The following DSTN variants were observed in gnomAD, a reference collection of about 807,000 sequenced individuals.
The protein encoded by DSTN is destrin.
Under a neutral mutation model 16.8 loss-of-function variants are expected in DSTN, and 10 were observed. The ratio of observed to expected loss-of-function variants is 0.60; its 90% CI spans 0.37 to 1.01. DSTN has a LOEUF of 1.01. Among genes scored for constraint, DSTN ranks in the 50% least tolerant of loss-of-function variants. DSTN has a pLI of 0.01. For synonymous variants in DSTN, 57 were observed against 58.9 expected, an observed-to-expected ratio of 0.97 and a Z score of 0.14; for missense variants, 141 against 196.7, an observed-to-expected ratio of 0.72 and a Z score of 1.69.
intron 1 of DSTN, among the ~76,000 whole-genome samples, chr20:17,584,665 AAAAG>A (rs2035386963): frequency 6.6e-6 from 1 of 152,058 alleles, no homozygotes; most frequent in South Asian, 2.1e-4. Context: ...AAAAAAAAAA[AAAAG>A]GCTTACCAGA....
chr20:17,604,440 A>G, intron 2 of DSTN, 115 bp from the exon 3 acceptor site: 1 of 1,070,294 alleles, frequency 9.3e-7, no homozygotes. Flanking sequence ...AAGAAAAAAT[A>G]TCTCAGGAGA....
At chr20:17,579,805 C>T (rs1024504181) in intron 1 of DSTN, among the ~76,000 whole-genome samples, 4 of 152,208 alleles carry the variant, frequency 2.6e-5, no homozygotes, top group African/African-American at 9.6e-5. Context: ...CTAGGAAGAC[C>T]TGCCTGACAT....
Position 17,583,600 on chromosome 20 carries a change from A to T in DSTN, c.3+13389A>T, listed in dbSNP as rs112336352. 8.3e-3 allele frequency among the ~76,000 whole-genome samples: 1,169 copies of T among 140,350 alleles called. 13 individuals are homozygous for T. The highest frequency in any genetic ancestry group is 0.026 in the African/African-American group (999 of 38,952). 92.1% of individuals were successfully genotyped at this position (140,350 alleles called of 152,430 possible). On this transcript the variant is annotated intron_variant, in intron 1 of 3. Coordinates refer to ENST00000246069, the MANE Select transcript of DSTN (RefSeq NM_006870.4). Reference sequence around the variant, plus strand: ...AAAGAAACCAGTCCCAAAAGATGACATATTGTGTGATTCCATTTATACAAA... The same window carrying T: ...AAAGAAACCAGTCCCAAAAGATGACTTATTGTGTGATTCCATTTATACAAA...
chr20:17,571,676 G>C lies in DSTN; in HGVS notation c.3+1465G>C, dbSNP rs2035208895. 2.0e-5 allele frequency among the ~76,000 whole-genome samples: 3 copies of C among 152,198 alleles called. No individual in the cohort carries two copies. In the South Asian group the frequency reaches 6.2e-4, roughly 31 times the overall value. ...AGTGCTTTGAAGCTGACTAGGGTCT[G>C]CTCTAGAGACTTCTGATTTGACATT... On this transcript the variant is annotated intron_variant, in intron 1 of 3. Transcript: ENST00000246069.
chr20:17,594,925 A>G (rs2035510243), intron 1 of DSTN, among the ~76,000 whole-genome samples: 1 of 152,154 alleles, frequency 6.6e-6, no homozygotes, highest in African/African-American at 2.4e-5. Flanking sequence ...CTTGTTTTTT[A>G]TTTTAGACAT....
rs2035670258 is a variant in DSTN at position 17,608,844 on chromosome 20, C to CA, written c.*1701dup. The CA allele has an allele frequency of 6.6e-6, 1 of 152,178 alleles. No homozygotes were observed. The highest frequency in any genetic ancestry group is 6.5e-5 in the Admixed American group (1 of 15,282). 9.4% of individuals were successfully genotyped at this position (152,178 alleles called of 1,614,324 possible). On this transcript the variant is annotated 3_prime_UTR_variant, in exon 4 of 4. Transcript: ENST00000246069. ...TACACAGCTGTGCATTATTACATGT[C>CA]AAAGACTGCATATACTATGGTGGTC...
Position 17,603,740 on chromosome 20 carries a change from G to A in DSTN, c.312-815G>A, listed in dbSNP as rs891541140. ...CCAATGTTATAAATATAAAAAGATA[G>A]TAATAATATTGACAGTTAAGACATA... On this transcript the variant is annotated intron_variant, in intron 2 of 3. Transcript: ENST00000246069. 3.9e-4 allele frequency among the ~76,000 whole-genome samples: 59 copies of A among 152,204 alleles called. 2 individuals carry two copies. The highest frequency in any genetic ancestry group is 5.9e-4 in the Admixed American group (9 of 15,272).
At chr20:17,604,085 G>C (rs1240176530) in intron 2 of DSTN, among the ~76,000 whole-genome samples, 1 of 151,940 alleles carries the variant, frequency 6.6e-6, no homozygotes, top group Non-Finnish European at 1.5e-5. Context: ...TTAATTCTGG[G>C]TCACACGTAC....
chr20:17,591,360 A>G (rs954464590), intron 1 of DSTN, among the ~76,000 whole-genome samples: 1 of 150,046 alleles, frequency 6.7e-6, no homozygotes, highest in Non-Finnish European at 1.5e-5. Flanking sequence ...TTTTTGGGCA[A>G]TCCTGTATAT....
rs114172615 is a variant in DSTN at position 17,574,187 on chromosome 20, C to T, written c.3+3976C>T. On this transcript the variant is annotated intron_variant, in intron 1 of 3. Transcript: ENST00000246069. ...CTACTGCACTCCAGCCTGGCCACAG[C>T]GGGAGACCCTGTCTCAAAAAACAAG... Among the ~76,000 whole-genome samples, 815 of 151,870 alleles carry T rather than the reference C, an allele frequency of 5.4e-3. 4 individuals are homozygous for T. The highest frequency in any genetic ancestry group is 0.019 in the African/African-American group (767 of 41,416).
chr20:17,604,913 A>G (rs1002468414), intron 3 of DSTN, among the ~76,000 whole-genome samples: 1 of 152,196 alleles, frequency 6.6e-6, no homozygotes, highest in African/African-American at 2.4e-5. Context: ...TTGAGGTGCT[A>G]CCAGTTTTCT....
chr20:17,600,602 C>G (rs1015296442), intron 1 of DSTN, 136 bp from the exon 2 acceptor site: 2 of 1,087,208 alleles, frequency 1.8e-6, no homozygotes, highest in Admixed American at 6.5e-5. Flanking sequence ...GATTACAGCT[C>G]AAATTTCTAG....
chr20:17,596,427 G>A lies in DSTN; in HGVS notation c.4-4311G>A, dbSNP rs935598540. Among the ~76,000 whole-genome samples, 7 of 152,090 alleles carry A rather than the reference G, an allele frequency of 4.6e-5. No homozygotes were observed. In the South Asian group the frequency reaches 8.3e-4, roughly 18 times the overall value. ...GCACAGTCTTCAGAGTGGATGTGTC[G>A]TACTGTGCCATATTTCCTTTTCTGT... On this transcript the variant is annotated intron_variant, in intron 1 of 3. Coordinates refer to ENST00000246069, the MANE Select transcript of DSTN (RefSeq NM_006870.4).
chr20:17,587,050 A>G (rs779434408), intron 1 of DSTN, among the ~76,000 whole-genome samples: 5 of 152,098 alleles, frequency 3.3e-5, no homozygotes, highest in Non-Finnish European at 5.9e-5. Context: ...GACTTGCTCA[A>G]TTTTCCCAGT....
chr20:17,601,885 G>T (rs927626039), intron 2 of DSTN, among the ~76,000 whole-genome samples: 4 of 151,468 alleles, frequency 2.6e-5, no homozygotes, highest in African/African-American at 9.7e-5. Context: ...GCCAGGAGTA[G>T]AATTCTTTAG....
intron 1 of DSTN, among the ~76,000 whole-genome samples, chr20:17,591,160 A>G (rs892253171): frequency 9.2e-5 from 14 of 152,220 alleles, no homozygotes; most frequent in Admixed American, 2.0e-4. Flanking sequence ...ACTGATGGGA[A>G]AGGCTCTTTT....
intron 1 of DSTN, among the ~76,000 whole-genome samples, chr20:17,573,702 G>C (rs1013851924): frequency 6.6e-6 from 1 of 152,084 alleles, no homozygotes; most frequent in African/African-American, 2.4e-5. Context: ...ACCTTTGCCA[G>C]TCTGATGGTT....
At chr20:17,582,856 A>G (rs2035361648) in intron 1 of DSTN, among the ~76,000 whole-genome samples, 1 of 152,262 alleles carries the variant, frequency 6.6e-6, no homozygotes, top group Non-Finnish European at 1.5e-5. Context: ...TGACAAAAAT[A>G]GATAAATTGG....
chr20:17,594,811 A>G (rs1022957777), intron 1 of DSTN, among the ~76,000 whole-genome samples: 5 of 152,200 alleles, frequency 3.3e-5, no homozygotes, highest in Non-Finnish European at 7.3e-5. Context: ...AAAGAGTAAG[A>G]TAATGGAGGA....
Sources: allele counts gnomAD v4.1 joint callset (sites outside exome capture counted in the v4.1 genomes callset), GRCh38; gene constraint gnomAD v4.1.1; transcripts MANE v1.5; gene names NCBI Gene and HGNC (gene_info 2026-07-23, HGNC 2026-07-21).